The following P2RX7 variants were observed in gnomAD, a reference collection of about 807,000 sequenced individuals.
The protein encoded by P2RX7 is purinergic receptor P2X 7.
In P2RX7, 62 loss-of-function variants were observed where a neutral mutation model predicts 71.6. The observed-to-expected ratio is 0.87, with a 90% CI of 0.71 to 1.07. P2RX7 has a LOEUF of 1.07. P2RX7 is among the 50% of genes least tolerant of loss of function. P2RX7 has a pLI of 0.00. For synonymous variants in P2RX7, 299 were observed against 283.3 expected, an observed-to-expected ratio of 1.06 and a Z score of -0.56; for missense variants, 686 against 748.5, an observed-to-expected ratio of 0.92 and a Z score of 0.97.
At chr12:121,162,400 T>C in intron 4 of P2RX7, 24 bp from the exon 5 acceptor site, 1 of 1,613,380 alleles carries the variant, frequency 6.2e-7, no homozygotes, top group Non-Finnish European at 8.5e-7. Context: ...CATCTGTGGT[T>C]CTACGATGCT....
chr12:121,175,814 A>C (rs568814866), intron 9 of P2RX7, among the ~76,000 whole-genome samples: 6 of 152,120 alleles, frequency 3.9e-5, no homozygotes, highest in African/African-American at 1.4e-4. Flanking sequence ...AAAAGTTTTG[A>C]GTGGGCTTTT....
chr12:121,153,602 C>T (rs1041707456), intron 1 of P2RX7, among the ~76,000 whole-genome samples: 1 of 151,800 alleles, frequency 6.6e-6, no homozygotes, highest in East Asian at 1.9e-4. Flanking sequence ...CACTTGAACC[C>T]GGCAGGCAGA....
intron 12 of P2RX7, among the ~76,000 whole-genome samples, chr12:121,182,879 A>T (rs1884354561): frequency 6.6e-6 from 1 of 152,230 alleles, no homozygotes; most frequent in Non-Finnish European, 1.5e-5. Flanking sequence ...ACAGTGGTAT[A>T]AAAATATTTT....
chr12:121,162,979 G>C (rs1404608267), intron 5 of P2RX7, among the ~76,000 whole-genome samples: 1 of 151,394 alleles, frequency 6.6e-6, no homozygotes, highest in East Asian at 2.0e-4. Flanking sequence ...GTAAAAGAGG[G>C]GGGGAAGGAA....
intron 3 of P2RX7, among the ~76,000 whole-genome samples, chr12:121,158,421 C>G (rs1468832592): frequency 6.6e-6 from 1 of 152,132 alleles, no homozygotes; most frequent in Non-Finnish European, 1.5e-5. Context: ...TAAGAGTTAC[C>G]CTCTCTTCAA....
At chr12:121,138,705 T>C (rs768398959) in intron 1 of P2RX7, among the ~76,000 whole-genome samples, 74 of 152,238 alleles carry the variant, frequency 4.9e-4, no homozygotes, top group Non-Finnish European at 9.4e-4. Flanking sequence ...ACCTCTCTAG[T>C]CCTGGCTTGT....
Position 121,149,716 on chromosome 12 carries a change from CTACT to C in P2RX7, c.126-5067_126-5064del, listed in dbSNP as rs1435079192. ...TGGCTTCTCTCCCATTAGCTCTGTT[CTACT>C]TCCCAAAATCTTTCCAGCTTTGTTC... is the stretch of plus-strand genomic sequence containing the variant. On this transcript the variant is annotated intron_variant, in intron 1 of 12. Transcript: ENST00000328963. The surrounding 1 kb of genome is among the most constrained non-coding windows in gnomAD (Gnocchi z 4.7). 1.3e-5 allele frequency among the ~76,000 whole-genome samples: 2 copies of C among 152,166 alleles called. No homozygotes were observed. The highest frequency in any genetic ancestry group is 1.3e-4 in the Admixed American group (2 of 15,268).
chr12:121,160,979 C>T lies in P2RX7; in HGVS notation c.436+5C>T, dbSNP rs200743882. On this transcript the variant is annotated splice_donor_5th_base_variant and intron_variant, in intron 4 of 12. Coordinates refer to ENST00000328963, the MANE Select transcript of P2RX7 (RefSeq NM_002562.6). ...GGATGGACCCGCAGAGCAAAGGTAC[C>T]TTCTGTTTCTTTTCCCGAGACCCTA... is the stretch of plus-strand genomic sequence containing the variant. The T allele has an allele frequency of 6.2e-7, 1 of 1,610,900 alleles. No individual in the cohort carries two copies. The highest frequency in any genetic ancestry group is 8.5e-7 in the Non-Finnish European group (1 of 1,177,062).
In P2RX7 at chr12:121,149,285, C is replaced by A. The variant is rs1876900541; in HGVS notation, c.126-5500C>A. Reference sequence around the variant, plus strand: ...ATTTCCCTGCCACTCCAGGGCTCCTCCTCAGCCAGACTTGCCTGTGAGTGC... The same window carrying A: ...ATTTCCCTGCCACTCCAGGGCTCCTACTCAGCCAGACTTGCCTGTGAGTGC... On this transcript the variant is annotated intron_variant, in intron 1 of 12. Coordinates refer to ENST00000328963, the MANE Select transcript of P2RX7 (RefSeq NM_002562.6). The surrounding 1 kb of genome is among the most constrained non-coding windows in gnomAD (Gnocchi z 4.7). 6.6e-6 allele frequency among the ~76,000 whole-genome samples: 1 copy of A among 152,178 alleles called. No homozygotes were observed. Among genetic ancestry groups the A allele is most frequent in the African/African-American group, 2.4e-5 (1 of 41,428 alleles).
At chr12:121,178,901 T>C (rs529352804) in intron 11 of P2RX7, among the ~76,000 whole-genome samples, 1 of 150,430 alleles carries the variant, frequency 6.6e-6, no homozygotes, top group East Asian at 1.9e-4. Flanking sequence ...ATATGATATA[T>C]AGGTTAAAAA....
At chr12:121,143,845 CGTCTCAAAAAAAAGAAA>C (rs1286232238) in intron 1 of P2RX7, among the ~76,000 whole-genome samples, 1 of 151,944 alleles carries the variant, frequency 6.6e-6, no homozygotes, top group African/African-American at 2.4e-5. Context: ...AGTGAGACTC[CGTCTCAAAAAAAAGAAA>C]GTCTCTTTTT....
chr12:121,167,648 C>A, intron 8 of P2RX7, 24 bp downstream of exon 8: 1 of 1,505,860 alleles, frequency 6.6e-7, no homozygotes. Flanking sequence ...CCAGGTCAAA[C>A]TCACCCAGTG....
intron 11 of P2RX7, among the ~76,000 whole-genome samples, chr12:121,177,769 A>G (rs1042306707): frequency 6.6e-6 from 1 of 151,640 alleles, no homozygotes; most frequent in African/African-American, 2.4e-5. Flanking sequence ...CCCAGGCTGG[A>G]GTGCAGAGGC....
At chr12:121,137,233 C>A (rs1416029919) in intron 1 of P2RX7, among the ~76,000 whole-genome samples, 1 of 152,138 alleles carries the variant, frequency 6.6e-6, no homozygotes, top group African/African-American at 2.4e-5. Flanking sequence ...TGCTTTTTAG[C>A]GAGCATCTTG....
At chr12:121,148,470 C>T (rs1477550812) in intron 1 of P2RX7, among the ~76,000 whole-genome samples, 2 of 152,068 alleles carry the variant, frequency 1.3e-5, no homozygotes, top group African/African-American at 4.8e-5. Flanking sequence ...CTGCCTCAGC[C>T]TCCCAAAGTG....
chr12:121,176,525 G>A (rs371066784), intron 9 of P2RX7, among the ~76,000 whole-genome samples: 115 of 152,216 alleles, frequency 7.6e-4, no homozygotes, highest in African/African-American at 2.6e-3. Context: ...GGCTGAGGCA[G>A]GTGGATCATG....
At chr12:121,165,255 C>G in intron 5 of P2RX7, 102 bp from the exon 6 acceptor site, 1 of 862,186 alleles carries the variant, frequency 1.2e-6, no homozygotes, top group Non-Finnish European at 1.9e-6. Flanking sequence ...TCATGTATCC[C>G]AAAGACCAAG....
rs912051111 is a variant in P2RX7 at position 121,155,797 on chromosome 12, AAAAAAC to A, written c.295-262_295-257del. ...TTAATGAGATTTTTACTGCGTAAAAAAAAAACAAAAACAAAAACAAAAACATGAAAA... is the reference window on the plus strand; with the variant it reads ...TTAATGAGATTTTTACTGCGTAAAAAAAAAACAAAAACAAAAACATGAAAA... On this transcript the variant is annotated intron_variant, in intron 2 of 12. Coordinates refer to ENST00000328963, the MANE Select transcript of P2RX7 (RefSeq NM_002562.6). Among the ~76,000 whole-genome samples the A allele has an allele frequency of 6.0e-5, 9 of 151,040 alleles. No individual in the cohort carries two copies. The South Asian group carries it at 1.9e-3, about 31-fold the overall frequency.
intron 12 of P2RX7, 76 bp from the exon 13 acceptor site, chr12:121,184,229 A>T: frequency 6.8e-7 from 1 of 1,477,472 alleles, no homozygotes. Context: ...ACGTAACTTT[A>T]TAAGTTAATA....
Sources: allele counts gnomAD v4.1 joint callset (sites outside exome capture counted in the v4.1 genomes callset), GRCh38; gene constraint gnomAD v4.1.1; non-coding constraint Gnocchi (gnomAD v3.1); transcripts MANE v1.5; gene names NCBI Gene and HGNC (gene_info 2026-07-23, HGNC 2026-07-21).